The following AUTS2 variants were observed in gnomAD, a reference collection of about 807,000 sequenced individuals.
AUTS2 encodes autism susceptibility gene 2 protein.
A neutral mutation model predicts 112.4 loss-of-function variants in AUTS2; 17 were observed. The observed-to-expected ratio is 0.15, with a 90% CI of 0.10 to 0.23. The LOEUF (loss-of-function observed/expected upper bound fraction) is 0.23. AUTS2 is among the 10% of genes least tolerant of loss of function. The pLI is 1.00. For synonymous variants in AUTS2, 751 were observed against 702.7 expected (o/e 1.07, Z -1.09); for missense variants, 1,510 against 1,701.6 (o/e 0.89, Z 1.98).
At chr7:69,769,705 T>A (rs2129296541) in intron 1 of AUTS2, among the ~76,000 whole-genome samples, 1 of 152,310 alleles carries the variant, frequency 6.6e-6, no homozygotes, top group Non-Finnish European at 1.5e-5. Context: ...TGCCAGTCTT[T>A]TGATGTTCCT....
At chr7:70,209,428 G>A (rs1210002718) in intron 4 of AUTS2, among the ~76,000 whole-genome samples, 1 of 152,204 alleles carries the variant, frequency 6.6e-6, no homozygotes, top group African/African-American at 2.4e-5. Flanking sequence ...AAGAATCTAG[G>A]AGATTGGGAA....
intron 5 of AUTS2, among the ~76,000 whole-genome samples, chr7:70,527,732 G>A (rs914990569): frequency 6.6e-6 from 1 of 152,178 alleles, no homozygotes; most frequent in Non-Finnish European, 1.5e-5. Flanking sequence ...AGTTGTTATG[G>A]CAACCTCAAG....
At chr7:70,552,151 A>G (rs1042730305) in intron 5 of AUTS2, among the ~76,000 whole-genome samples, 2 of 152,094 alleles carry the variant, frequency 1.3e-5, no homozygotes, top group Non-Finnish European at 2.9e-5. Flanking sequence ...AGAAAAAGTG[A>G]ATTCTAAATT....
At chr7:69,922,352 G>T (rs1795848828) in intron 2 of AUTS2, among the ~76,000 whole-genome samples, 1 of 152,140 alleles carries the variant, frequency 6.6e-6, no homozygotes, top group South Asian at 2.1e-4. Flanking sequence ...TCCTTTCTTT[G>T]ACTGTTTTTA....
chr7:70,079,846 T>C (rs1803217252), intron 2 of AUTS2, among the ~76,000 whole-genome samples: 1 of 152,174 alleles, frequency 6.6e-6, no homozygotes, highest in Admixed American at 6.6e-5. Context: ...ATTTGGCAGA[T>C]GGTTCTGGAG....
intron 4 of AUTS2, among the ~76,000 whole-genome samples, chr7:70,355,703 T>C (rs1791979400): frequency 6.6e-6 from 1 of 152,132 alleles, no homozygotes; most frequent in South Asian, 2.1e-4. Context: ...TTTGAGAAGC[T>C]TTATGGCTCT....
chr7:70,498,840 A>T (rs2116593909), intron 5 of AUTS2, among the ~76,000 whole-genome samples: 1 of 152,300 alleles, frequency 6.6e-6, no homozygotes, highest in Non-Finnish European at 1.5e-5. Flanking sequence ...TTCTGATTAG[A>T]TTCAGCTAAA....
At chr7:69,755,392 T>A (rs1379151113) in intron 1 of AUTS2, among the ~76,000 whole-genome samples, 1 of 152,170 alleles carries the variant, frequency 6.6e-6, no homozygotes, top group Non-Finnish European at 1.5e-5. Flanking sequence ...AAACTAATCA[T>A]CTTTATTAAG....
At chr7:70,691,556 C>A (rs1808756421) in intron 5 of AUTS2, among the ~76,000 whole-genome samples, 1 of 152,202 alleles carries the variant, frequency 6.6e-6, no homozygotes, top group Non-Finnish European at 1.5e-5. Context: ...CTGGTCCCCT[C>A]CAATTTTGAC....
rs969419486 is a variant in AUTS2, at chr7:69,694,681, G to A, written c.309+94719G>A. On this transcript the variant is annotated intron_variant, in intron 1 of 18. Transcript: ENST00000342771. ...TTTCATAAGTGGAAAGTTGGCTTTC[G>A]TTGTTCTGTATTTGGGTGCTTAGTG... is the stretch of plus-strand genomic sequence containing the variant. 7.9e-5 allele frequency among the ~76,000 whole-genome samples: 12 copies of A among 152,252 alleles called. 1 individual carries two copies. Among genetic ancestry groups the A allele is most frequent in the East Asian group, 1.9e-4 (1 of 5,180 alleles).
chr7:70,110,594 CTTTAA>C lies in AUTS2; in HGVS notation c.523-7537_523-7533del, dbSNP rs533417560. ...TACTGCTATGAAGTCCACTGAACCC[CTTTAA>C]ATAATGTGCATGTTTGGCAGCTGGA... On this transcript the variant is annotated intron_variant, in intron 2 of 18. Coordinates refer to ENST00000342771, the MANE Select transcript of AUTS2 (RefSeq NM_015570.4). Among the ~76,000 whole-genome samples the C allele has an allele frequency of 2.0e-5, 3 of 152,214 alleles. No homozygotes were observed. In the South Asian group the frequency reaches 6.2e-4, roughly 32 times the overall value.
intron 5 of AUTS2, among the ~76,000 whole-genome samples, chr7:70,590,863 A>T (rs1401478482): frequency 6.6e-6 from 1 of 152,222 alleles, no homozygotes; most frequent in Non-Finnish European, 1.5e-5. Flanking sequence ...CATTTACCAT[A>T]GCTGTCCTTT....
At chr7:69,724,266 CTTT>C (rs1019018805) in intron 1 of AUTS2, among the ~76,000 whole-genome samples, 1 of 152,126 alleles carries the variant, frequency 6.6e-6, no homozygotes, top group Non-Finnish European at 1.5e-5. Flanking sequence ...TTTCTAGATT[CTTT>C]TTAACGATTT....
intron 2 of AUTS2, among the ~76,000 whole-genome samples, chr7:70,067,428 A>C (rs1166162999): frequency 6.6e-6 from 1 of 152,232 alleles, no homozygotes; most frequent in Non-Finnish European, 1.5e-5. Flanking sequence ...ATATAGTGAG[A>C]CTGTCACTTT....
intron 6 of AUTS2, among the ~76,000 whole-genome samples, chr7:70,723,453 A>G (rs1337391632): frequency 4.6e-5 from 7 of 151,998 alleles, no homozygotes; most frequent in African/African-American, 1.4e-4. Context: ...CCCCAGGACC[A>G]GTGGGCTGGC....
intron 1 of AUTS2, among the ~76,000 whole-genome samples, chr7:69,674,704 G>A (rs1047486512): frequency 3.9e-5 from 6 of 152,226 alleles, no homozygotes; most frequent in African/African-American, 1.2e-4. Flanking sequence ...TCAAATAACC[G>A]TGGCAGGCAT....
intron 4 of AUTS2, among the ~76,000 whole-genome samples, chr7:70,415,227 G>T (rs2130550557): frequency 6.6e-6 from 1 of 152,246 alleles, no homozygotes; most frequent in Admixed American, 6.5e-5. Flanking sequence ...ATGAAGGTTG[G>T]GGGCAGCCTA....
intron 6 of AUTS2, among the ~76,000 whole-genome samples, chr7:70,706,238 A>G (rs1175851897): frequency 1.3e-5 from 2 of 152,222 alleles, no homozygotes; most frequent in Non-Finnish European, 2.9e-5. Context: ...TCTGGGATCC[A>G]GGCCAAAGGA....
chr7:70,785,355 G>C (rs1385073986), intron 16 of AUTS2: 1 of 551,908 alleles, frequency 1.8e-6, no homozygotes, highest in African/African-American at 1.9e-5. Context: ...AAGATGGTGA[G>C]CTCTTGCCCC....
Sources: allele counts gnomAD v4.1 joint callset (sites outside exome capture counted in the v4.1 genomes callset), GRCh38; gene constraint gnomAD v4.1.1; transcripts MANE v1.5; gene names NCBI Gene and HGNC (gene_info 2026-07-23, HGNC 2026-07-21).